P3H2: variants seen among roughly 807,000 people sequenced by gnomAD.
The protein encoded by P3H2 is leprecan-like 1.
P3H2 carries 80 observed loss-of-function variants against 87.0 expected under a neutral mutation model. That is an observed-to-expected ratio of 0.92 (90% CI 0.77 to 1.11). The LOEUF (loss-of-function observed/expected upper bound fraction) is 1.11, where lower values mean the gene tolerates loss of function less well. Among genes scored for constraint, P3H2 ranks in the 50% least tolerant of loss-of-function variants. The probability of loss-of-function intolerance (pLI) is 0.00; values close to 1 mark genes in which losing one functional copy is unlikely to be tolerated. For missense variants in P3H2, 1,001 were observed against 923.9 expected (o/e 1.08, Z -1.08); for synonymous variants, 367 against 359.3 (o/e 1.02, Z -0.24).
chr3:190,025,755 G>A (rs952944639), intron 1 of P3H2, among the ~76,000 whole-genome samples: 1 of 152,068 alleles, frequency 6.6e-6, no homozygotes, highest in African/African-American at 2.4e-5. Context: ...ATTTACAAAT[G>A]GACTAACACA....
Position 189,973,677 on chromosome 3 carries a change from C to T in P3H2, c.1548+232G>A, listed in dbSNP as rs532736014. Among the ~76,000 whole-genome samples the T allele has an allele frequency of 3.6e-4, 55 of 152,014 alleles. 1 individual carries two copies. The highest frequency in any genetic ancestry group is 2.4e-3 in the Admixed American group (36 of 15,260). ...TAGCTGGGACTACAGGCACCCACTA[C>T]CATGCCTGGCTAATTTTTTTGTATT... is the stretch of plus-strand genomic sequence containing the variant. On this transcript the variant is annotated intron_variant, in intron 10 of 14. Transcript: ENST00000319332.
At chr3:190,088,408 G>A (rs753104692) in intron 1 of P3H2, among the ~76,000 whole-genome samples, 1 of 152,108 alleles carries the variant, frequency 6.6e-6, no homozygotes, top group Non-Finnish European at 1.5e-5. Flanking sequence ...TGTTAATTTG[G>A]AAAGTGGTAA....
intron 14 of P3H2, among the ~76,000 whole-genome samples, chr3:189,960,899 A>T (rs1722791443): frequency 6.6e-6 from 1 of 152,234 alleles, no homozygotes; most frequent in African/African-American, 2.4e-5. Flanking sequence ...GCCACATCTA[A>T]ATAAAAAGCC....
chr3:189,987,020 C>G, intron 5 of P3H2, 143 bp from the exon 6 acceptor site: 1 of 659,820 alleles, frequency 1.5e-6, no homozygotes, highest in South Asian at 1.8e-5. Flanking sequence ...GGCCCCATCT[C>G]AACATACTTT....
intron 1 of P3H2, among the ~76,000 whole-genome samples, chr3:190,042,038 G>A (rs1409243763): frequency 6.6e-6 from 1 of 152,152 alleles, no homozygotes; most frequent in African/African-American, 2.4e-5. Flanking sequence ...CTAAACCAAT[G>A]GCTTTTGGTA....
intron 1 of P3H2, among the ~76,000 whole-genome samples, chr3:190,000,426 C>T (rs143490346): frequency 1.3e-5 from 2 of 152,284 alleles, no homozygotes; most frequent in South Asian, 2.1e-4. Flanking sequence ...CTTTCTATAA[C>T]AAATGTTGAC....
At chr3:189,962,235 C>T (rs938237343) in intron 14 of P3H2, among the ~76,000 whole-genome samples, 2 of 133,960 alleles carry the variant, frequency 1.5e-5, no homozygotes, top group East Asian at 4.9e-4. Flanking sequence ...GTGGAGTGAT[C>T]TCAGCTCACT....
At chr3:189,970,775 T>TA (rs1723152923) in intron 13 of P3H2, 41 bp downstream of exon 13, 2 of 1,216,470 alleles carry the variant, frequency 1.6e-6, no homozygotes, top group East Asian at 2.3e-5. Flanking sequence ...AATACTGAGC[T>TA]AAAACATACT....
intron 1 of P3H2, among the ~76,000 whole-genome samples, chr3:190,078,404 A>G (rs1726937527): frequency 6.6e-6 from 1 of 152,220 alleles, no homozygotes; most frequent in Middle Eastern, 3.2e-3. Context: ...ACAGGTTACT[A>G]TTAAACAAGA....
chr3:190,043,891 C>T (rs1431497541), intron 1 of P3H2, among the ~76,000 whole-genome samples: 3 of 152,046 alleles, frequency 2.0e-5, no homozygotes, highest in African/African-American at 7.2e-5. Flanking sequence ...AGCAAATCTG[C>T]CTTAAAATCA....
intron 8 of P3H2, among the ~76,000 whole-genome samples, chr3:189,975,859 G>A (rs1308549613): frequency 2.0e-5 from 3 of 152,132 alleles, no homozygotes; most frequent in South Asian, 2.1e-4. Context: ...AGTAATGTTC[G>A]GTTATCTGTT....
chr3:190,079,974 A>C (rs1726991232), intron 1 of P3H2, among the ~76,000 whole-genome samples: 1 of 152,254 alleles, frequency 6.6e-6, no homozygotes. Flanking sequence ...GTGCTTGTAC[A>C]ATAAAACTAC....
At chr3:190,114,530 C>T (rs1712215177) in intron 1 of P3H2, among the ~76,000 whole-genome samples, 1 of 152,062 alleles carries the variant, frequency 6.6e-6, no homozygotes. Context: ...ATCACTTATA[C>T]GGGCAATAGA....
chr3:190,010,872 T>C (rs1477629548), intron 1 of P3H2, among the ~76,000 whole-genome samples: 1 of 152,234 alleles, frequency 6.6e-6, no homozygotes, highest in Non-Finnish European at 1.5e-5. Flanking sequence ...AGCTCTACTA[T>C]ATCCTCCCAG....
rs115494889 is a variant in P3H2, at chr3:190,016,122, T to A, written c.481-20680A>T. Among the ~76,000 whole-genome samples the A allele has an allele frequency of 5.3e-3, 813 of 152,350 alleles. 7 individuals are homozygous for A. Among genetic ancestry groups the A allele is most frequent in the African/African-American group, 0.019 (786 of 41,572 alleles). On this transcript the variant is annotated intron_variant, in intron 1 of 14. Transcript: ENST00000319332. ...GGAAGGAGAAAACATCCACAACATA[T>A]ATCACTGATGGGATTTTCCATTCTT...
chr3:190,007,986 A>ATATATATATATATATATATATG (rs1560359925), intron 1 of P3H2, among the ~76,000 whole-genome samples: 32 of 141,620 alleles, frequency 2.3e-4, no homozygotes, highest in African/African-American at 8.3e-4. Context: ...ATATATATAT[A>ATATATATATATATATATATATG]GTAAACTTCA....
intron 14 of P3H2, chr3:189,963,687 G>T: frequency 2.3e-6 from 1 of 429,924 alleles, no homozygotes; most frequent in South Asian, 2.4e-5. Context: ...CAAGTGATCT[G>T]CCCACCTCGG....
intron 9 of P3H2, 189 bp from the exon 10 acceptor site, chr3:189,974,193 T>G: frequency 1.6e-6 from 1 of 615,184 alleles, no homozygotes; most frequent in South Asian, 2.0e-5. Flanking sequence ...TCATTCTACA[T>G]TTTTATTATC....
rs768389240 is a variant in P3H2 at position 189,984,584 on chromosome 3, A to G, written c.1195T>C (p.Trp399Arg). The change falls in exon 7 of 15, where the codon TGG becomes CGG. Residue 399 changes from tryptophan (W) to arginine (R), a missense_variant. Trp to Arg is a moderately radical substitution (Grantham distance 101). Coordinates refer to ENST00000319332, the MANE Select transcript of P3H2 (RefSeq NM_018192.4). ...LGFSYTEPNY[W>R]IRYGGRQDEN... is the part of the protein sequence containing the mutation. ...TCCTGTCGTCCTCCATATCTGATCCAATAATTCTGTTTTGAATCGAGTAAA... is the reference window on the plus strand; with the variant it reads ...TCCTGTCGTCCTCCATATCTGATCCGATAATTCTGTTTTGAATCGAGTAAA... 3.1e-6 allele frequency: 5 copies of G among 1,597,496 alleles called. No individual in the cohort carries two copies. Among genetic ancestry groups the G allele is most frequent in the Non-Finnish European group, 3.4e-6 (4 of 1,173,926 alleles).
Sources: allele counts gnomAD v4.1 joint callset (sites outside exome capture counted in the v4.1 genomes callset), GRCh38; gene constraint gnomAD v4.1.1; transcripts MANE v1.5; gene names NCBI Gene and HGNC (gene_info 2026-07-23, HGNC 2026-07-21).